BLZF1: variants seen among roughly 807,000 people sequenced by gnomAD.
The protein encoded by BLZF1 is basic leucine zipper nuclear factor 1, also known as golgin-45.
A neutral mutation model predicts 43.8 loss-of-function variants in BLZF1; 39 were observed. The ratio of observed to expected loss-of-function variants is 0.89; its 90% CI spans 0.69 to 1.16. BLZF1 has a LOEUF of 1.16. Ranked by LOEUF, BLZF1 falls within the 50% of genes most tolerant of loss-of-function variation. The pLI is 0.00. For missense variants in BLZF1, 449 were observed against 469.8 expected, an observed-to-expected ratio of 0.96 and a Z score of 0.41; for synonymous variants, 136 against 159.4, an observed-to-expected ratio of 0.85 and a Z score of 1.11.
At position 169,380,527 on chromosome 1, in the gene BLZF1, C is replaced by T; in HGVS notation, c.715C>T (p.Gln239Ter). The T allele has an allele frequency of 6.2e-7, 1 of 1,612,824 alleles. No homozygotes were observed. The highest frequency in any genetic ancestry group is 8.5e-7 in the Non-Finnish European group (1 of 1,179,090). ...LTNSRAALQRQNRDAHGAIQD... is the reference protein window; with the variant it reads ...LTNSRAALQR ...CAACTCAAGAGCAGCTTTACAGCGTCAAAACCGTGATGCACACGGGGCTAT... is the reference window on the plus strand; with the variant it reads ...CAACTCAAGAGCAGCTTTACAGCGTTAAAACCGTGATGCACACGGGGCTAT... Residue 239 changes from glutamine to a stop codon, truncating the protein, a stop_gained, in exon 5 of 7, where the codon CAA becomes TAA. Coordinates refer to ENST00000367808, the MANE Select transcript of BLZF1 (RefSeq NM_001320973.2). LOFTEE classifies it high-confidence loss of function.
intron 6 of BLZF1, among the ~76,000 whole-genome samples, chr1:169,384,314 A>G (rs1654610868): frequency 6.6e-6 from 1 of 151,770 alleles, no homozygotes; most frequent in Admixed American, 6.6e-5. Flanking sequence ...TTTCTAATTT[A>G]TCCCCTCCCA....
At chr1:169,374,621 C>T (rs1350396703) in intron 2 of BLZF1, among the ~76,000 whole-genome samples, 1 of 151,956 alleles carries the variant, frequency 6.6e-6, no homozygotes, top group Admixed American at 6.6e-5. Context: ...TAACATAACT[C>T]GAGGTTCCCA....
At chr1:169,377,116 T>A in intron 3 of BLZF1, 137 bp downstream of exon 3, 1 of 739,236 alleles carries the variant, frequency 1.4e-6, no homozygotes, top group Non-Finnish European at 2.2e-6. Context: ...TGCTTCCTCT[T>A]AAATTTCTCA....
downstream of BLZF1, among the ~76,000 whole-genome samples, chr1:169,390,573 A>ATTAGTC (rs1654793370): frequency 6.6e-6 from 1 of 152,202 alleles, no homozygotes; most frequent in Non-Finnish European, 1.5e-5. Flanking sequence ...TCCTAGAAAG[A>ATTAGTC]CATGTATTAG....
At chr1:169,382,402 G>T (rs980977008) in intron 6 of BLZF1, 121 bp downstream of exon 6, 2 of 767,340 alleles carry the variant, frequency 2.6e-6, no homozygotes, top group Non-Finnish European at 4.1e-6. Flanking sequence ...AACCACTCAT[G>T]CTATTGAGTG....
chr1:169,369,639 C>A (rs143597787), intron 2 of BLZF1, 89 bp downstream of exon 2: 3 of 906,830 alleles, frequency 3.3e-6, no homozygotes, highest in East Asian at 2.6e-5. Flanking sequence ...ATCTCATGGA[C>A]CCCCTTGGGA....
intron 2 of BLZF1, among the ~76,000 whole-genome samples, chr1:169,370,417 T>C (rs1654078144): frequency 6.6e-6 from 1 of 152,200 alleles, no homozygotes; most frequent in African/African-American, 2.4e-5. Flanking sequence ...CTCTCTAATA[T>C]TTAATACTGT....
At chr1:169,395,294 T>G in intron 7 of BLZF1, 1 of 1,175,336 alleles carries the variant, frequency 8.5e-7, no homozygotes. Flanking sequence ...ACAAAATAAA[T>G]GGACATTTCT....
chr1:169,369,432 TATG>T (rs1255004653), intron 1 of BLZF1, 38 bp from the exon 2 acceptor site: 29 of 1,079,238 alleles, frequency 2.7e-5, no homozygotes, highest in Middle Eastern at 2.8e-4. Context: ...TATGTGTTTA[TATG>T]ATATTTTTAA....
In BLZF1 at chr1:169,378,470, A is replaced by G; in HGVS notation, c.609A>G (p.Glu203=). ...GTCGAAACACAGCTCAGCTTTCTGA[A>G]CAGTTAGAACGTATGTCAATACAGT... is the stretch of plus-strand genomic sequence containing the variant. ...ALGRNTAQLS[E]QLERMSIQCD... The change falls in exon 4 of 7, where the codon GAA becomes GAG. Residue 203 remains glutamate (E), a synonymous_variant. Coordinates refer to ENST00000367808, the MANE Select transcript of BLZF1 (RefSeq NM_001320973.2). The G allele has an allele frequency of 6.2e-7, 1 of 1,612,940 alleles. No individual in the cohort carries two copies. Among genetic ancestry groups the G allele is most frequent in the South Asian group, 1.1e-5 (1 of 91,052 alleles).
At chr1:169,371,462 A>G (rs918182599) in intron 2 of BLZF1, among the ~76,000 whole-genome samples, 1 of 152,238 alleles carries the variant, frequency 6.6e-6, no homozygotes, top group South Asian at 2.1e-4. Context: ...AAATAATTCT[A>G]TTAGCCATAT....
intron 4 of BLZF1, among the ~76,000 whole-genome samples, chr1:169,379,147 G>T (rs1332132351): frequency 6.6e-6 from 1 of 151,786 alleles, no homozygotes; most frequent in Admixed American, 6.6e-5. Context: ...ACAAGATCTG[G>T]ATGTTATCCA....
At chr1:169,394,463 A>G (rs985813181) in intron 7 of BLZF1, among the ~76,000 whole-genome samples, 7 of 151,896 alleles carry the variant, frequency 4.6e-5, no homozygotes, top group African/African-American at 1.7e-4. Flanking sequence ...TAGTTTTTCA[A>G]CCCTTGCTCC....
intron 2 of BLZF1, among the ~76,000 whole-genome samples, chr1:169,373,032 C>T (rs1654175678): frequency 6.6e-6 from 1 of 151,672 alleles, no homozygotes. Context: ...AATTTTTTTT[C>T]TCTTATTAAA....
At chr1:169,371,486 G>C (rs1255551400) in intron 2 of BLZF1, among the ~76,000 whole-genome samples, 1 of 152,128 alleles carries the variant, frequency 6.6e-6, no homozygotes, top group African/African-American at 2.4e-5. Context: ...TATTTAATCT[G>C]TCATCTGATG....
At position 169,381,070 on chromosome 1, in the gene BLZF1, C is replaced by T. The variant is rs185205101; in HGVS notation, c.797+461C>T. On this transcript the variant is annotated intron_variant, in intron 5 of 6. Coordinates refer to ENST00000367808, the MANE Select transcript of BLZF1 (RefSeq NM_001320973.2). The stretch of plus-strand genomic sequence containing the variant: ...ATTTTTATATAGTTGATTTATTACA[C>T]GTAGAATCAGTAAGTGTCAAAGAGC... Among the ~76,000 whole-genome samples, 12 of 151,752 alleles carry T rather than the reference C, an allele frequency of 7.9e-5. No individual in the cohort carries two copies. In the South Asian group the frequency reaches 1.2e-3, roughly 16 times the overall value.
intron 2 of BLZF1, among the ~76,000 whole-genome samples, chr1:169,371,285 G>T (rs954849227): frequency 7.9e-5 from 12 of 152,046 alleles, no homozygotes; most frequent in Admixed American, 6.5e-4. Context: ...TTGTCAAAAA[G>T]CAAAAACTAA....
chr1:169,370,524 G>A (rs933448267), intron 2 of BLZF1, among the ~76,000 whole-genome samples: 3 of 151,844 alleles, frequency 2.0e-5, no homozygotes, highest in Non-Finnish European at 4.4e-5. Flanking sequence ...TGTCCAATGC[G>A]GTAATTACAT....
chr1:169,381,373 CA>C (rs1654522110), intron 5 of BLZF1, among the ~76,000 whole-genome samples: 1 of 151,976 alleles, frequency 6.6e-6, no homozygotes. Context: ...CCTATTAAAG[CA>C]AATATAATTT....
Sources: allele counts gnomAD v4.1 joint callset (sites outside exome capture counted in the v4.1 genomes callset), GRCh38; gene constraint gnomAD v4.1.1; transcripts MANE v1.5; gene names NCBI Gene and HGNC (gene_info 2026-07-23, HGNC 2026-07-21).